Variants in GINS1 observed in about 807,000 individuals in gnomAD.
The protein encoded by GINS1 is GINS complex subunit 1.
A neutral mutation model predicts 34.9 loss-of-function variants in GINS1; 26 were observed. That is an observed-to-expected ratio of 0.74 (90% confidence interval 0.55 to 1.03). The LOEUF is 1.03. Ranked by LOEUF, GINS1 falls within the 50% of genes least tolerant of loss-of-function variation. The pLI, the probability that GINS1 is intolerant of heterozygous loss-of-function variation, is 0.00. For missense variants in GINS1, 235 were observed against 237.9 expected (o/e 0.99, Z 0.08); for synonymous variants, 97 against 84.4 (o/e 1.15, Z -0.82).
chr20:25,438,911 C>G (rs1013495191), intron 5 of GINS1, among the ~76,000 whole-genome samples: 1 of 151,974 alleles, frequency 6.6e-6, no homozygotes, highest in Non-Finnish European at 1.5e-5. Flanking sequence ...TTTGAGGTTT[C>G]CTTGGAGAAT....
intron 1 of GINS1, chr20:25,408,885 T>C: frequency 1.0e-6 from 1 of 979,324 alleles, no homozygotes; most frequent in Non-Finnish European, 1.2e-6. Context: ...AGAGCAGGCA[T>C]TATGTGGATG....
At chr20:25,421,172 G>A (rs1334439815) in intron 4 of GINS1, among the ~76,000 whole-genome samples, 2 of 152,178 alleles carry the variant, frequency 1.3e-5, no homozygotes, top group African/African-American at 4.8e-5. Context: ...CAAAGCTTCA[G>A]TCCTTCATGA....
chr20:25,431,696 G>A (rs962335937), intron 5 of GINS1, among the ~76,000 whole-genome samples: 3 of 150,028 alleles, frequency 2.0e-5, no homozygotes, highest in African/African-American at 7.4e-5. Context: ...TCAGCCTCCC[G>A]AGTAGCTGGG....
At chr20:25,429,995 G>A (rs1197818800) in intron 5 of GINS1, among the ~76,000 whole-genome samples, 3 of 152,124 alleles carry the variant, frequency 2.0e-5, no homozygotes, top group South Asian at 2.1e-4. Flanking sequence ...TCACTTCAAC[G>A]TCCGCCTCCT....
chr20:25,408,268 C>CT (rs1373502660), intron 1 of GINS1, among the ~76,000 whole-genome samples: 1 of 152,164 alleles, frequency 6.6e-6, no homozygotes, highest in Non-Finnish European at 1.5e-5. Flanking sequence ...TGTAGTGTGA[C>CT]TTTGGGGCAG....
intron 2 of GINS1, among the ~76,000 whole-genome samples, chr20:25,415,307 C>G (rs2090313328): frequency 6.6e-6 from 1 of 152,128 alleles, no homozygotes; most frequent in Non-Finnish European, 1.5e-5. Context: ...AGTCCCTAAG[C>G]CATTCATTGA....
intron 6 of GINS1, among the ~76,000 whole-genome samples, chr20:25,445,656 A>G (rs2090508032): frequency 6.6e-6 from 1 of 151,926 alleles, no homozygotes; most frequent in South Asian, 2.1e-4. Flanking sequence ...CCAACTTTGT[A>G]TTTTTTAGTA....
At chr20:25,439,104 C>T (rs757062957) in intron 5 of GINS1, among the ~76,000 whole-genome samples, 10 of 152,144 alleles carry the variant, frequency 6.6e-5, no homozygotes, top group Admixed American at 6.6e-4. Context: ...ATGCTTGTAA[C>T]CCTTTATTTA....
intron 5 of GINS1, among the ~76,000 whole-genome samples, chr20:25,427,739 C>T (rs957617802): frequency 6.6e-6 from 1 of 151,624 alleles, no homozygotes. Flanking sequence ...ATATGATTTG[C>T]AAATATTTTC....
At chr20:25,442,911 A>G (rs1036040821) in intron 6 of GINS1, 1 of 152,030 alleles carries the variant, frequency 6.6e-6, no homozygotes, top group Non-Finnish European at 1.5e-5. Context: ...CGGCCACTAA[A>G]TTTTTTATCC....
intron 5 of GINS1, among the ~76,000 whole-genome samples, chr20:25,427,247 A>C (rs1407540151): frequency 6.6e-6 from 1 of 151,824 alleles, no homozygotes; most frequent in Non-Finnish European, 1.5e-5. Flanking sequence ...TCAACCTGCA[A>C]CCTCCACCTC....
intron 5 of GINS1, among the ~76,000 whole-genome samples, chr20:25,426,762 T>G (rs1214057622): frequency 6.6e-6 from 1 of 151,974 alleles, no homozygotes; most frequent in Non-Finnish European, 1.5e-5. Context: ...CGAGCTCAGG[T>G]GATCCTCCCT....
At chr20:25,423,894 G>A (rs775514382) in intron 4 of GINS1, among the ~76,000 whole-genome samples, 2 of 152,120 alleles carry the variant, frequency 1.3e-5, no homozygotes, top group African/African-American at 4.8e-5. Flanking sequence ...GATTACAGGC[G>A]TGAGCCACCG....
Position 25,446,053 on chromosome 20 carries a change from C to T in GINS1, c.*62C>T, listed in dbSNP as rs2090510743. ...ATGGACTCCTCTGTACTCACTCTCT[C>T]CACCACTCCCTTCACCTCCCTCTTT... On this transcript the variant is annotated 3_prime_UTR_variant, in exon 7 of 7. Transcript: ENST00000262460. 1.2e-6 allele frequency: 1 copy of T among 830,272 alleles called. No individual in the cohort carries two copies. The highest frequency in any genetic ancestry group is 1.9e-6 in the Non-Finnish European group (1 of 515,666). The allele number at this position is 830,272 out of a possible 1,614,324, so 51.4% of individuals were successfully genotyped here. A position where few individuals can be genotyped will look rare whatever the true frequency, so the allele number is the denominator to read the frequency against.
At chr20:25,411,078 G>A (rs974892682) in intron 1 of GINS1, 1 of 152,178 alleles carries the variant, frequency 6.6e-6, no homozygotes, top group Non-Finnish European at 1.5e-5. Flanking sequence ...AGGAGTTCGA[G>A]ACTAGCCTGG....
chr20:25,428,577 G>A (rs575017562), intron 5 of GINS1, among the ~76,000 whole-genome samples: 23 of 151,286 alleles, frequency 1.5e-4, no homozygotes, highest in African/African-American at 4.1e-4. Context: ...CTAATTTTTT[G>A]TATTTTTTAG....
intron 5 of GINS1, among the ~76,000 whole-genome samples, chr20:25,428,557 C>T (rs2482916): frequency 0.028 from 4,189 of 151,708 alleles, 180 homozygotes; most frequent in African/African-American, 0.09. Flanking sequence ...GTGCCCACCA[C>T]GACGCCCAGC....
In GINS1 at chr20:25,426,392, C is replaced by T. The variant is rs960351185; in HGVS notation, c.447+1065C>T. ...TAGCCTGACCAACATGGAGAAACCC[C>T]GTCTCTACTAAAAATACAAAATTAG... On this transcript the variant is annotated intron_variant, in intron 5 of 6. Transcript: ENST00000262460. Among the ~76,000 whole-genome samples the T allele has an allele frequency of 7.2e-5, 11 of 151,918 alleles. No individual in the cohort carries two copies. The East Asian group carries it at 7.8e-4, about 11-fold the overall frequency.
chr20:25,412,115 A>G (rs1033557556), intron 1 of GINS1, among the ~76,000 whole-genome samples: 3 of 152,152 alleles, frequency 2.0e-5, no homozygotes, highest in Admixed American at 2.0e-4. Context: ...CTCAACAACA[A>G]CGAAAAAAAT....
Sources: gnomAD v4.1 joint callset for allele counts (sites outside exome capture counted in the v4.1 genomes callset) on GRCh38, gnomAD v4.1.1 for gene constraint, MANE v1.5 for transcripts, NCBI Gene and HGNC (gene_info 2026-07-23, HGNC 2026-07-21) for gene names.